Variants in ATP6V0A4 observed in about 807,000 individuals in gnomAD.
ATP6V0A4 encodes V-type proton ATPase 116 kDa subunit a 4.
A neutral mutation model predicts 107.3 loss-of-function variants in ATP6V0A4; 86 were observed. That is an observed-to-expected ratio of 0.80 (90% confidence interval 0.67 to 0.96). ATP6V0A4 has a LOEUF of 0.96. Ranked by LOEUF, ATP6V0A4 falls within the 40% of genes least tolerant of loss-of-function variation. The pLI, the probability that ATP6V0A4 is intolerant of heterozygous loss-of-function variation, is 0.00. For synonymous variants in ATP6V0A4, 353 were observed against 381.4 expected (o/e 0.93, Z 0.87); for missense variants, 908 against 1,045.6 (o/e 0.87, Z 1.81).
At position 138,721,931 on chromosome 7, in the gene ATP6V0A4, T is replaced by C. The variant is rs1324770636; in HGVS notation, c.2105A>G (p.Asp702Gly). Reference sequence around the variant, plus strand: ...ATGGTCGTCCAGAGCCCCGTGGGTATCTGCAGAAGTCCTCTGGCCAGAACG... The same window carrying C: ...ATGGTCGTCCAGAGCCCCGTGGGTACCTGCAGAAGTCCTCTGGCCAGAACG... ...SSRSGQRTSA[D>G]THGALDDHGE... The change falls in exon 19 of 22, where the codon GAT (aspartate) becomes GGT (glycine). Residue 702 changes from aspartate (D) to glycine (G), a missense_variant. Transcript: ENST00000310018. 6.2e-6 allele frequency: 10 copies of C among 1,614,060 alleles called. No individual in the cohort carries two copies. The highest frequency in any genetic ancestry group is 8.5e-6 in the Non-Finnish European group (10 of 1,180,036).
chr7:138,729,404 C>T (rs565781705), intron 17 of ATP6V0A4, among the ~76,000 whole-genome samples: 31 of 152,346 alleles, frequency 2.0e-4, no homozygotes, highest in South Asian at 4.1e-4. Context: ...TCCTCACCAT[C>T]GCTACCTGAC....
intron 2 of ATP6V0A4, 121 bp from the exon 3 acceptor site, chr7:138,771,385 T>A: frequency 1.7e-6 from 2 of 1,169,432 alleles, no homozygotes; most frequent in Non-Finnish European, 1.2e-6. Flanking sequence ...AGGAATCACT[T>A]CTGATTTTAG....
At chr7:138,742,517 GTGTT>G (rs375582932) in intron 14 of ATP6V0A4, among the ~76,000 whole-genome samples, 37 of 152,172 alleles carry the variant, frequency 2.4e-4, no homozygotes, top group South Asian at 1.9e-3. Flanking sequence ...AAGAATGAAT[GTGTT>G]TGTTTGTTTG....
chr7:138,758,661 G>C (rs939618606), intron 8 of ATP6V0A4, among the ~76,000 whole-genome samples: 5 of 150,350 alleles, frequency 3.3e-5, no homozygotes, highest in African/African-American at 1.2e-4. Context: ...GGATCTATTG[G>C]CAAATACATC....
chr7:138,741,746 T>G (rs955859759), intron 14 of ATP6V0A4, among the ~76,000 whole-genome samples: 2 of 152,158 alleles, frequency 1.3e-5, no homozygotes, highest in Admixed American at 1.3e-4. Context: ...CCTTGTTGAG[T>G]CAATACGCCC....
At chr7:138,779,297 A>C (rs1807815922) in intron 2 of ATP6V0A4, among the ~76,000 whole-genome samples, 1 of 151,938 alleles carries the variant, frequency 6.6e-6, no homozygotes, top group Non-Finnish European at 1.5e-5. Context: ...GCAGTGAGCC[A>C]TGATCATGCC....
At position 138,752,711 on chromosome 7, in the gene ATP6V0A4, C is replaced by T. The variant is rs755649208; in HGVS notation, c.943G>A (p.Asp315Asn). ...GCGATGACACACTGCTGGGTGACGT[C>T]GATGTTGCACATGTTCAGGATGTGG... ...VYHILNMCNIDVTQQCVIAEI... is the reference protein window; with the variant it reads ...VYHILNMCNINVTQQCVIAEI... Residue 315 changes from aspartate to asparagine, a missense_variant, in exon 11 of 22, where the codon GAC (aspartate) becomes AAC (asparagine). By Grantham distance (23) the Asp-to-Asn change is conservative. Transcript: ENST00000310018. 3.1e-6 allele frequency: 5 copies of T among 1,613,976 alleles called. No individual in the cohort carries two copies. Among genetic ancestry groups the T allele is most frequent in the Non-Finnish European group, 4.2e-6 (5 of 1,179,984 alleles).
rs116252492 is a variant in ATP6V0A4, at chr7:138,736,383, A to G, written c.1573-2129T>C. On this transcript the variant is annotated intron_variant, in intron 15 of 21. Coordinates refer to ENST00000310018, the MANE Select transcript of ATP6V0A4 (RefSeq NM_020632.3). ...ATATAGTTATTCTCATTTTACAGAT[A>G]AGGTAATTTATCATAACCTCAGGAA... Among the ~76,000 whole-genome samples, 1,284 of 152,312 alleles carry G rather than the reference A, an allele frequency of 8.4e-3. 23 individuals are homozygous for G. Among genetic ancestry groups the G allele is most frequent in the African/African-American group, 0.03 (1,230 of 41,574 alleles).
Position 138,706,407 on chromosome 7 carries a change from C to T in ATP6V0A4, c.*217G>A, listed in dbSNP as rs1704271104. 8.8e-6 allele frequency: 5 copies of T among 569,348 alleles called. No homozygotes were observed. In the Admixed American group the frequency reaches 8.8e-5, roughly 10 times the overall value. The allele number at this position is 569,348 out of a possible 1,614,324, so 35.3% of individuals were successfully genotyped here. A position where few individuals can be genotyped will look rare whatever the true frequency, so the allele number is the denominator to read the frequency against. On this transcript the variant is annotated 3_prime_UTR_variant, in exon 22 of 22. Coordinates refer to ENST00000310018, the MANE Select transcript of ATP6V0A4 (RefSeq NM_020632.3). The stretch of plus-strand genomic sequence containing the variant: ...TTACTTTATTATTTGAGAATTAATA[C>T]CCCACATGAAGACAATATCACTTGC...
chr7:138,719,618 T>C (rs757147871), intron 19 of ATP6V0A4, among the ~76,000 whole-genome samples: 1 of 152,206 alleles, frequency 6.6e-6, no homozygotes, highest in Admixed American at 6.5e-5. Flanking sequence ...CACACATCAA[T>C]GTGGGGACAG....
intron 8 of ATP6V0A4, among the ~76,000 whole-genome samples, chr7:138,758,782 GCT>G (rs1462215389): frequency 9.4e-6 from 1 of 105,950 alleles, no homozygotes; most frequent in East Asian, 2.9e-4. Flanking sequence ...AGGGAGTCTT[GCT>G]CTGTCACCCA....
chr7:138,774,292 T>C (rs1349253994), intron 2 of ATP6V0A4, among the ~76,000 whole-genome samples: 1 of 152,044 alleles, frequency 6.6e-6, no homozygotes. Flanking sequence ...AAAAATAATT[T>C]TGGGGGCCGG....
chr7:138,776,546 C>T (rs1054957653), intron 2 of ATP6V0A4, among the ~76,000 whole-genome samples: 1 of 152,202 alleles, frequency 6.6e-6, no homozygotes, highest in Non-Finnish European at 1.5e-5. Flanking sequence ...GGCCTCAATT[C>T]GTGCCTCCCT....
In ATP6V0A4 at chr7:138,706,599, C is replaced by T. The variant is rs1438938211; in HGVS notation, c.*25G>A. The T allele has an allele frequency of 6.2e-7, 1 of 1,613,162 alleles. No individual in the cohort carries two copies. The highest frequency in any genetic ancestry group is 1.3e-5 in the African/African-American group (1 of 74,900). ...GAACTTCCTTCATTGGCATGGTGAC[C>T]ACCGTGGGAGGTGCAGCCCTCAGCC... On this transcript the variant is annotated 3_prime_UTR_variant, in exon 22 of 22. Transcript: ENST00000310018.
chr7:138,752,365 A>T (rs1439316719), intron 11 of ATP6V0A4, among the ~76,000 whole-genome samples: 2 of 146,712 alleles, frequency 1.4e-5, no homozygotes, highest in East Asian at 4.0e-4. Context: ...GCGAGATTCT[A>T]TTTTTTTTTT....
chr7:138,711,803 C>T (rs968825275), intron 20 of ATP6V0A4, among the ~76,000 whole-genome samples: 3 of 152,248 alleles, frequency 2.0e-5, no homozygotes, highest in African/African-American at 4.8e-5. Flanking sequence ...CACGTGCACA[C>T]GAATACTCAG....
intron 11 of ATP6V0A4, among the ~76,000 whole-genome samples, chr7:138,750,602 G>T (rs1016088199): frequency 3.9e-5 from 6 of 152,212 alleles, no homozygotes; most frequent in African/African-American, 1.2e-4. Flanking sequence ...CACCCACTGG[G>T]ATCTGACACC....
At chr7:138,793,702 C>T (rs1808529931) in intron 1 of ATP6V0A4, among the ~76,000 whole-genome samples, 1 of 152,034 alleles carries the variant, frequency 6.6e-6, no homozygotes, top group Non-Finnish European at 1.5e-5. Context: ...AAATCAATAA[C>T]AAAAAGATAA....
intron 11 of ATP6V0A4, among the ~76,000 whole-genome samples, chr7:138,751,305 G>A (rs58090312): frequency 0.015 from 2,215 of 152,306 alleles, 52 homozygotes; most frequent in African/African-American, 0.048. Context: ...CAGTTCCCGA[G>A]GGCAAGCCCT....
Sources: allele counts gnomAD v4.1 joint callset (sites outside exome capture counted in the v4.1 genomes callset), GRCh38; gene constraint gnomAD v4.1.1; transcripts MANE v1.5; gene names NCBI Gene and HGNC (gene_info 2026-07-23, HGNC 2026-07-21).